Variants in WASHC2C observed in about 807,000 individuals in gnomAD.
The protein encoded by WASHC2C is WASH complex subunit 2C.
A neutral mutation model predicts 142.2 loss-of-function variants in WASHC2C; 73 were observed. The observed-to-expected ratio is 0.51, with a 90% CI of 0.43 to 0.62. The LOEUF is 0.62. WASHC2C is among the 20% of genes least tolerant of loss of function. The pLI is 0.00. For missense variants in WASHC2C, 969 were observed against 1,531.7 expected (o/e 0.63, Z 6.13); for synonymous variants, 337 against 565.5 (o/e 0.60, Z 5.73).
At chr10:45,749,652 CCATCTCTACTAAAAATA>C (rs1351068049) in intron 8 of WASHC2C, among the ~76,000 whole-genome samples, 43 of 150,806 alleles carry the variant, frequency 2.9e-4, no homozygotes, top group Non-Finnish European at 6.0e-4. Context: ...TGGTGAAACC[CCATCTCTACTAAAAATA>C]CAAAAAATTT....
chr10:45,742,565 C>T (rs2052239932), intron 5 of WASHC2C, among the ~76,000 whole-genome samples: 1 of 152,390 alleles, frequency 6.6e-6, no homozygotes, highest in South Asian at 2.1e-4. Flanking sequence ...ATCCATCTGC[C>T]TCAGCCTCCC....
chr10:45,789,492 G>A lies in WASHC2C; in HGVS notation c.3708+1G>A. ...ATTAACAACACAAGATATTTTTGAG[G>A]TAATAGGACTTAACACGTTTTTGTG... On this transcript the variant is annotated splice_donor_variant, in intron 29 of 30. Transcript: ENST00000623400. LOFTEE classifies it high-confidence loss of function. 1 of 1,612,052 alleles carries A rather than the reference G, an allele frequency of 6.2e-7. No homozygotes were observed. Among genetic ancestry groups the A allele is most frequent in the East Asian group, 2.2e-5 (1 of 44,890 alleles).
At chr10:45,770,881 A>T (rs1340088704) in intron 20 of WASHC2C, among the ~76,000 whole-genome samples, 1 of 152,160 alleles carries the variant, frequency 6.6e-6, no homozygotes, top group African/African-American at 2.4e-5. Context: ...GTTTGTTGGG[A>T]TGATGAGGTG....
At chr10:45,782,424 G>A (rs2057583497) in intron 23 of WASHC2C, among the ~76,000 whole-genome samples, 1 of 146,606 alleles carries the variant, frequency 6.8e-6, no homozygotes, top group Non-Finnish European at 1.5e-5. Context: ...TACCCGGGAA[G>A]AGGACCATAA....
Position 45,786,577 on chromosome 10 carries a change from C to A in WASHC2C, c.2812-35C>A, listed in dbSNP as rs535791373. 1.9e-6 allele frequency: 3 copies of A among 1,610,580 alleles called. No individual in the cohort carries two copies. The South Asian group carries it at 3.3e-5, about 18-fold the overall frequency. The stretch of plus-strand genomic sequence containing the variant: ...AAGAAACACTTGTCTTTCTGTTTCC[C>A]AAATGGATTTTTAACTGGATGTAAT... On this transcript the variant is annotated intron_variant, in intron 26 of 30. Transcript: ENST00000623400.
Position 45,732,022 on chromosome 10 carries a change from T to A in WASHC2C, c.291+2996T>A, listed in dbSNP as rs566407574. 1.6e-3 allele frequency among the ~76,000 whole-genome samples: 238 copies of A among 152,148 alleles called. 1 individual carries two copies. The highest frequency in any genetic ancestry group is 3.4e-3 in the Middle Eastern group (1 of 292). The stretch of plus-strand genomic sequence containing the variant: ...CGTGTTAGCCAGGATGGTCTCGATC[T>A]CCTGACCTCATGATCCACCCGCCTT... On this transcript the variant is annotated intron_variant, in intron 3 of 30. Transcript: ENST00000623400.
At chr10:45,741,565 T>C (rs1369411435) in intron 5 of WASHC2C, among the ~76,000 whole-genome samples, 1 of 152,228 alleles carries the variant, frequency 6.6e-6, no homozygotes, top group Non-Finnish European at 1.5e-5. Flanking sequence ...AAATTAACGC[T>C]GTCTTTGCCT....
At chr10:45,757,662 A>G (rs1172524496) in intron 16 of WASHC2C, among the ~76,000 whole-genome samples, 11 of 152,074 alleles carry the variant, frequency 7.2e-5, no homozygotes, top group South Asian at 2.1e-4. Context: ...TCATACTGCA[A>G]TTTCCTCTCT....
chr10:45,783,321 G>A (rs185904256), intron 23 of WASHC2C, among the ~76,000 whole-genome samples: 34 of 152,194 alleles, frequency 2.2e-4, no homozygotes, highest in African/African-American at 7.7e-4. Context: ...GTATGGTTTT[G>A]TAATATTTTT....
Position 45,742,570 on chromosome 10 carries a change from C to G in WASHC2C, c.529-820C>G, listed in dbSNP as rs1433635015. On this transcript the variant is annotated intron_variant, in intron 5 of 30. Transcript: ENST00000623400. Reference sequence around the variant, plus strand: ...ACCTCAAGTGATCCATCTGCCTCAGCCTCCCAAAGTGCTGGGATTACAGGC... The same window carrying G: ...ACCTCAAGTGATCCATCTGCCTCAGGCTCCCAAAGTGCTGGGATTACAGGC... Among the ~76,000 whole-genome samples, 4 of 152,392 alleles carry G rather than the reference C, an allele frequency of 2.6e-5. No individual in the cohort carries two copies. In the South Asian group the frequency reaches 6.2e-4, roughly 24 times the overall value.
At chr10:45,765,478 A>G (rs1256551367) in intron 18 of WASHC2C, among the ~76,000 whole-genome samples, 4 of 147,780 alleles carry the variant, frequency 2.7e-5, no homozygotes, top group Admixed American at 6.8e-5. Context: ...TTCGAGTTCT[A>G]TGGTAATCTC....
chr10:45,727,085 C>T, upstream of WASHC2C: 1 of 1,332,136 alleles, frequency 7.5e-7, no homozygotes, highest in Non-Finnish European at 9.7e-7. Context: ...CCCTATCCTC[C>T]AGCTTCCTCC....
At chr10:45,739,169 A>G (rs1239074026) in intron 4 of WASHC2C, among the ~76,000 whole-genome samples, 2 of 151,412 alleles carry the variant, frequency 1.3e-5, no homozygotes, top group Admixed American at 6.6e-5. Context: ...ACTCAGTACA[A>G]TATTAGCTAT....
intron 19 of WASHC2C, among the ~76,000 whole-genome samples, chr10:45,766,879 G>A (rs1554882609): frequency 6.6e-6 from 1 of 152,124 alleles, no homozygotes; most frequent in Non-Finnish European, 1.5e-5. Context: ...CAAGTTAGTA[G>A]GGGGTGAAGT....
At chr10:45,758,040 T>C (rs2054544072) in intron 16 of WASHC2C, among the ~76,000 whole-genome samples, 1 of 152,274 alleles carries the variant, frequency 6.6e-6, no homozygotes, top group Non-Finnish European at 1.5e-5. Flanking sequence ...TTTGGTCTCC[T>C]TAATCTAGAG....
intron 3 of WASHC2C, among the ~76,000 whole-genome samples, chr10:45,730,689 C>G (rs1465669050): frequency 6.6e-6 from 1 of 150,928 alleles, no homozygotes; most frequent in African/African-American, 2.5e-5. Context: ...GTGCGATCTC[C>G]GCTCACTGCA....
Position 45,792,445 on chromosome 10 carries a change from G to A in WASHC2C, c.*45G>A. 6.4e-7 allele frequency: 1 copy of A among 1,561,850 alleles called. No homozygotes were observed. The highest frequency in any genetic ancestry group is 1.1e-5 in the South Asian group (1 of 88,180). ...TGTTACCCTGCAGCTACATTGTTGA[G>A]TTAGTGATGATATTGTATATGCTCA... On this transcript the variant is annotated 3_prime_UTR_variant, in exon 31 of 31. Transcript: ENST00000623400.
intron 8 of WASHC2C, among the ~76,000 whole-genome samples, chr10:45,748,851 C>T (rs1208433934): frequency 6.6e-5 from 10 of 152,160 alleles, no homozygotes; most frequent in Admixed American, 5.9e-4. Context: ...TCCTTTCCTT[C>T]TCTGCATACT....
At chr10:45,771,249 C>T (rs1237092539) in intron 20 of WASHC2C, among the ~76,000 whole-genome samples, 1 of 151,216 alleles carries the variant, frequency 6.6e-6, no homozygotes, top group Non-Finnish European at 1.5e-5. Flanking sequence ...CCTGTAATCC[C>T]AGCTACTCGG....
Sources: gnomAD v4.1 joint callset for allele counts (sites outside exome capture counted in the v4.1 genomes callset) on GRCh38, gnomAD v4.1.1 for gene constraint, MANE v1.5 for transcripts, NCBI Gene and HGNC (gene_info 2026-07-23, HGNC 2026-07-21) for gene names.